The following DCLK2 variants were observed in gnomAD, a reference collection of about 807,000 sequenced individuals.
DCLK2 encodes doublecortin like kinase 2.
A neutral mutation model predicts 78.4 loss-of-function variants in DCLK2; 31 were observed. The observed-to-expected ratio is 0.40, with a 90% CI of 0.30 to 0.53. The LOEUF (loss-of-function observed/expected upper bound fraction) is 0.53, where lower values mean the gene tolerates loss of function less well. DCLK2 is among the 20% of genes least tolerant of loss of function. DCLK2 has a pLI of 0.61. For synonymous variants in DCLK2, 407 were observed against 374.9 expected, an observed-to-expected ratio of 1.09 and a Z score of -0.99; for missense variants, 872 against 973.7, an observed-to-expected ratio of 0.90 and a Z score of 1.39.
intron 2 of DCLK2, among the ~76,000 whole-genome samples, chr4:150,139,073 A>G (rs1291385256): frequency 1.3e-5 from 2 of 151,908 alleles, no homozygotes; most frequent in Admixed American, 6.6e-5. Flanking sequence ...GGGTCTCACT[A>G]TGTTGTCCAG....
chr4:150,102,964 TGTGTATGTA>T (rs1730992931), intron 2 of DCLK2, 152 bp downstream of exon 2: 2 of 719,714 alleles, frequency 2.8e-6, no homozygotes, highest in Non-Finnish European at 4.3e-6. Context: ...TGTGTGTGTG[TGTGTATGTA>T]TGTAAAATTA....
At chr4:150,245,140 A>G (rs910046600) in intron 12 of DCLK2, among the ~76,000 whole-genome samples, 6 of 152,220 alleles carry the variant, frequency 3.9e-5, no homozygotes, top group African/African-American at 1.2e-4. Flanking sequence ...ACTCACTTTG[A>G]AGGAGCAGTA....
chr4:150,164,792 C>G (rs898810621), intron 2 of DCLK2, among the ~76,000 whole-genome samples: 1 of 146,594 alleles, frequency 6.8e-6, no homozygotes, highest in Non-Finnish European at 1.5e-5. Flanking sequence ...GAGTGAGACA[C>G]TGTCTCAAAA....
chr4:150,090,527 A>C (rs1197831547), intron 1 of DCLK2, among the ~76,000 whole-genome samples: 1 of 102,978 alleles, frequency 9.7e-6, no homozygotes, highest in African/African-American at 3.1e-5. Flanking sequence ...GAGCAAAAAA[A>C]CCAGATCACA....
chr4:150,122,909 G>T (rs1406121749), intron 2 of DCLK2, among the ~76,000 whole-genome samples: 1 of 152,170 alleles, frequency 6.6e-6, no homozygotes, highest in Non-Finnish European at 1.5e-5. Flanking sequence ...GAACCAACTT[G>T]TGCTAGCTTC....
intron 14 of DCLK2, among the ~76,000 whole-genome samples, chr4:150,248,873 C>G (rs1257393022): frequency 6.6e-6 from 1 of 152,052 alleles, no homozygotes; most frequent in Non-Finnish European, 1.5e-5. Flanking sequence ...GAGTTCCCTC[C>G]CAGAGGCTCA....
At chr4:150,208,733 A>G (rs1740056822) in intron 5 of DCLK2, among the ~76,000 whole-genome samples, 3 of 152,240 alleles carry the variant, frequency 2.0e-5, no homozygotes, top group East Asian at 3.9e-4. Context: ...AAAGTTTGCT[A>G]ATAGGTATCT....
chr4:150,182,138 C>A (rs1388387720), intron 2 of DCLK2, among the ~76,000 whole-genome samples: 7 of 151,784 alleles, frequency 4.6e-5, no homozygotes, highest in Non-Finnish European at 1.0e-4. Context: ...GCCTTGACCT[C>A]CCAGGCTCAA....
In DCLK2 at chr4:150,247,630, C is replaced by T. The variant is rs370909121; in HGVS notation, c.1806C>T (p.Phe602=). 97 of 1,614,082 alleles carry T rather than the reference C, an allele frequency of 6.0e-5. No individual in the cohort carries two copies. The Middle Eastern group carries it at 1.8e-3, about 30-fold the overall frequency. ...AGAACAATCTCCAGGAAGATCTCTT[C>T]GACCAGATCTTGGCTGGGAAGCTGG... is the stretch of plus-strand genomic sequence containing the variant. ...RSENNLQEDL[F]DQILAGKLEF... Residue 602 remains phenylalanine (F), a synonymous_variant, in exon 13 of 16, where the codon TTC becomes TTT. Transcript: ENST00000296550.
chr4:150,142,697 T>G (rs10857243), intron 2 of DCLK2, among the ~76,000 whole-genome samples: 63,177 of 152,060 alleles, frequency 0.42, 14,993 homozygotes, highest in South Asian at 0.69. Context: ...TCCGAGACTC[T>G]GTTTAACAAA....
chr4:150,123,695 A>C (rs891378456), intron 2 of DCLK2, among the ~76,000 whole-genome samples: 1 of 152,170 alleles, frequency 6.6e-6, no homozygotes, highest in East Asian at 1.9e-4. Flanking sequence ...TGAAGTGCAG[A>C]GATATCCCTG....
chr4:150,092,895 C>A (rs1319149234), intron 1 of DCLK2, among the ~76,000 whole-genome samples: 2 of 152,124 alleles, frequency 1.3e-5, no homozygotes, highest in Non-Finnish European at 2.9e-5. Context: ...CAAGGATGCC[C>A]ACTCTTGCCA....
chr4:150,155,313 C>T (rs928729347), intron 2 of DCLK2, among the ~76,000 whole-genome samples: 1 of 152,152 alleles, frequency 6.6e-6, no homozygotes, highest in Non-Finnish European at 1.5e-5. Flanking sequence ...CATTAACAAC[C>T]TACAGATAAG....
At chr4:150,233,187 A>G (rs914469358) in intron 10 of DCLK2, among the ~76,000 whole-genome samples, 4 of 152,182 alleles carry the variant, frequency 2.6e-5, no homozygotes, top group Admixed American at 1.3e-4. Context: ...CCTTCTTCAC[A>G]TGGTGGCAGG....
chr4:150,233,365 G>T lies in DCLK2; in HGVS notation c.1566+537G>T, dbSNP rs1742229450. 2.0e-5 allele frequency among the ~76,000 whole-genome samples: 3 copies of T among 152,306 alleles called. No homozygotes were observed. In the South Asian group the frequency reaches 6.2e-4, roughly 32 times the overall value. ...AATTACAGTTCAACATGAGATTTGG[G>T]TGGGGACACAGAGCCAAAGCATGTC... On this transcript the variant is annotated intron_variant, in intron 10 of 15. Coordinates refer to ENST00000296550, the MANE Select transcript of DCLK2 (RefSeq NM_001040260.4).
chr4:150,179,899 G>T (rs1737379423), intron 2 of DCLK2, among the ~76,000 whole-genome samples: 1 of 152,044 alleles, frequency 6.6e-6, no homozygotes, highest in Non-Finnish European at 1.5e-5. Flanking sequence ...TAAGGTATGG[G>T]AGATTGGCCT....
At chr4:150,135,699 A>G (rs959409616) in intron 2 of DCLK2, among the ~76,000 whole-genome samples, 1 of 152,244 alleles carries the variant, frequency 6.6e-6, no homozygotes, top group Non-Finnish European at 1.5e-5. Context: ...GGAGTGTACA[A>G]ATGTTAATAA....
At chr4:150,204,025 G>A in intron 5 of DCLK2, 136 bp downstream of exon 5, 1 of 751,474 alleles carries the variant, frequency 1.3e-6, no homozygotes, top group East Asian at 2.8e-5. Context: ...TGGTAGACTT[G>A]ACTTCGAATC....
At chr4:150,161,847 G>A (rs1735724776) in intron 2 of DCLK2, among the ~76,000 whole-genome samples, 1 of 152,288 alleles carries the variant, frequency 6.6e-6, no homozygotes, top group South Asian at 2.1e-4. Flanking sequence ...TTTGTGTGAT[G>A]TCTGTGTCTG....
Sources: allele counts gnomAD v4.1 joint callset (sites outside exome capture counted in the v4.1 genomes callset), GRCh38; gene constraint gnomAD v4.1.1; transcripts MANE v1.5; gene names NCBI Gene and HGNC (gene_info 2026-07-23, HGNC 2026-07-21).